Variants in LRRC8B observed in about 807,000 individuals in gnomAD.
LRRC8B encodes volume-regulated anion channel subunit LRRC8B.
In LRRC8B, 23 loss-of-function variants were observed where a neutral mutation model predicts 58.8. That is an observed-to-expected ratio of 0.39 (90% CI 0.28 to 0.55). LRRC8B has a LOEUF of 0.55. Among genes scored for constraint, LRRC8B ranks in the 20% least tolerant of loss-of-function variants. The pLI is 0.62. For missense variants in LRRC8B, 694 were observed against 936.0 expected (o/e 0.74, Z 3.37); for synonymous variants, 359 against 374.1 (o/e 0.96, Z 0.47).
At chr1:89,591,104 T>C (rs963762303) in intron 5 of LRRC8B, among the ~76,000 whole-genome samples, 2 of 152,228 alleles carry the variant, frequency 1.3e-5, no homozygotes, top group Admixed American at 1.3e-4. Flanking sequence ...AAAGGCAGTC[T>C]TTCTAACTCA....
intron 1 of LRRC8B, among the ~76,000 whole-genome samples, chr1:89,525,225 C>T (rs754820521): frequency 4.6e-5 from 7 of 152,240 alleles, no homozygotes; most frequent in Non-Finnish European, 1.0e-4. Context: ...TGCTCCCTGC[C>T]TTCGGGAGAG....
intron 1 of LRRC8B, among the ~76,000 whole-genome samples, chr1:89,554,417 G>A (rs1652031713): frequency 6.6e-6 from 1 of 152,138 alleles, no homozygotes; most frequent in Non-Finnish European, 1.5e-5. Flanking sequence ...ACTTTAAGAT[G>A]TAACTGTATA....
At chr1:89,548,299 A>C (rs912077796) in intron 1 of LRRC8B, among the ~76,000 whole-genome samples, 3 of 152,230 alleles carry the variant, frequency 2.0e-5, no homozygotes, top group African/African-American at 7.2e-5. Context: ...GGAGTATGGT[A>C]ATAGTTTCTC....
chr1:89,546,982 A>G (rs975076102), intron 1 of LRRC8B, among the ~76,000 whole-genome samples: 2 of 152,260 alleles, frequency 1.3e-5, no homozygotes, highest in Admixed American at 1.3e-4. Context: ...AGTCATTAAA[A>G]ACTAAATTGT....
intron 1 of LRRC8B, among the ~76,000 whole-genome samples, chr1:89,562,527 A>T (rs758320631): frequency 1.3e-5 from 2 of 151,474 alleles, no homozygotes; most frequent in Non-Finnish European, 2.9e-5. Context: ...GCTGGAGCTC[A>T]GTGGTGTGCA....
chr1:89,569,579 C>T (rs920257084), intron 3 of LRRC8B, among the ~76,000 whole-genome samples: 6 of 152,038 alleles, frequency 3.9e-5, no homozygotes, highest in African/African-American at 4.8e-5. Context: ...TTTCTGTTTC[C>T]GCTTTAGCTC....
At chr1:89,567,014 A>G (rs560291930) in intron 1 of LRRC8B, among the ~76,000 whole-genome samples, 136 of 152,162 alleles carry the variant, frequency 8.9e-4, no homozygotes, top group African/African-American at 3.1e-3. Context: ...TCCTCTGGAG[A>G]GAGAATGTTT....
At chr1:89,571,528 G>T (rs1265575169) in intron 3 of LRRC8B, among the ~76,000 whole-genome samples, 3 of 152,180 alleles carry the variant, frequency 2.0e-5, no homozygotes, top group Non-Finnish European at 4.4e-5. Flanking sequence ...GAATGCTAGT[G>T]ATTTTCATAC....
At chr1:89,537,975 G>T (rs902402925) in intron 1 of LRRC8B, among the ~76,000 whole-genome samples, 1 of 152,188 alleles carries the variant, frequency 6.6e-6, no homozygotes. Context: ...CTAGTTCATG[G>T]TATTTTGTTA....
chr1:89,533,585 C>T (rs567039206), intron 1 of LRRC8B, among the ~76,000 whole-genome samples: 109 of 152,292 alleles, frequency 7.2e-4, no homozygotes, highest in African/African-American at 2.6e-3. Context: ...CTGCCTCTCA[C>T]CCCCACAGCT....
At chr1:89,541,428 C>G (rs938503090) in intron 1 of LRRC8B, among the ~76,000 whole-genome samples, 4 of 152,004 alleles carry the variant, frequency 2.6e-5, no homozygotes, top group African/African-American at 4.8e-5. Context: ...AGCTGGCTTT[C>G]TGGCCGGGCG....
chr1:89,532,932 C>T (rs1485733461), intron 1 of LRRC8B, among the ~76,000 whole-genome samples: 4 of 152,156 alleles, frequency 2.6e-5, no homozygotes, highest in Non-Finnish European at 5.9e-5. Flanking sequence ...TCTTGGAACT[C>T]ACTCTGGGCT....
intron 5 of LRRC8B, among the ~76,000 whole-genome samples, chr1:89,591,982 ACTT>A (rs1655007172): frequency 6.6e-6 from 1 of 152,120 alleles, no homozygotes; most frequent in Non-Finnish European, 1.5e-5. Flanking sequence ...TATGTGCTCA[ACTT>A]CTTCTCTGGA....
At position 89,584,033 on chromosome 1, in the gene LRRC8B, G is replaced by A. The variant is rs1464528795; in HGVS notation, c.1383G>A (p.Gln461=). 3 of 1,614,198 alleles carry A rather than the reference G, an allele frequency of 1.9e-6. No homozygotes were observed. Among genetic ancestry groups the A allele is most frequent in the South Asian group, 1.1e-5 (1 of 91,082 alleles). ...TGAAGCTGCCCTCTGCAGTCTCACA[G>A]CTGGTCAACCTCAAGGAGCTTCGTG... ...PEVKLPSAVS[Q]LVNLKELRVY... Residue 461 remains glutamine (Q), a synonymous_variant, in exon 5 of 6, where the codon CAG becomes CAA. Transcript: ENST00000330947.
chr1:89,574,286 A>G lies in LRRC8B; in HGVS notation c.-124-5305A>G, dbSNP rs560029055. Among the ~76,000 whole-genome samples the G allele has an allele frequency of 3.9e-5, 6 of 152,376 alleles. No homozygotes were observed. In the South Asian group the frequency reaches 1.0e-3, roughly 26 times the overall value. On this transcript the variant is annotated intron_variant, in intron 3 of 5. Transcript: ENST00000330947. ...ACTTTAGCCACTAAGTTTTGATGTG[A>G]CTTGTTACACAGAATAAAGAATCAA...
At chr1:89,558,743 C>G (rs1652376601) in intron 1 of LRRC8B, 1 of 152,166 alleles carries the variant, frequency 6.6e-6, no homozygotes. Flanking sequence ...GATCAAGATA[C>G]TACAGATTTG....
intron 1 of LRRC8B, among the ~76,000 whole-genome samples, chr1:89,562,150 A>AACACACACAC (rs59568247): frequency 0.013 from 1,802 of 139,584 alleles, 25 homozygotes; most frequent in South Asian, 0.018. Context: ...CACCTCCCAA[A>AACACACACAC]ACACACACAC....
chr1:89,592,403 C>A (rs1250088941), intron 5 of LRRC8B, among the ~76,000 whole-genome samples: 1 of 152,152 alleles, frequency 6.6e-6, no homozygotes, highest in Non-Finnish European at 1.5e-5. Context: ...TAATTTATTT[C>A]TGATCAAGGA....
chr1:89,531,441 C>T (rs1650123579), intron 1 of LRRC8B, among the ~76,000 whole-genome samples: 1 of 152,160 alleles, frequency 6.6e-6, no homozygotes, highest in African/African-American at 2.4e-5. Context: ...GGGCTGAGAG[C>T]ATGGCCAAAA....
Sources: gnomAD v4.1 joint callset for allele counts (sites outside exome capture counted in the v4.1 genomes callset) on GRCh38, gnomAD v4.1.1 for gene constraint, MANE v1.5 for transcripts, NCBI Gene and HGNC (gene_info 2026-07-23, HGNC 2026-07-21) for gene names.